Variants in LHFPL3 observed in about 807,000 individuals in gnomAD.
LHFPL3 encodes the protein LHFPL tetraspan subfamily member 3 protein.
Under a neutral mutation model 19.3 loss-of-function variants are expected in LHFPL3, and 5 were observed. That is an observed-to-expected ratio of 0.26 (90% CI 0.14 to 0.54). The LOEUF is 0.54. Ranked by LOEUF, LHFPL3 falls within the 20% of genes least tolerant of loss-of-function variation. The pLI, the probability that LHFPL3 is intolerant of heterozygous loss-of-function variation, is 0.94. For missense variants in LHFPL3, 249 were observed against 307.4 expected, an observed-to-expected ratio of 0.81 and a Z score of 1.42; for synonymous variants, 133 against 126.2, an observed-to-expected ratio of 1.05 and a Z score of -0.36.
chr7:104,786,161 T>TA (rs1279144263), intron 2 of LHFPL3, among the ~76,000 whole-genome samples: 1 of 152,160 alleles, frequency 6.6e-6, no homozygotes, highest in Non-Finnish European at 1.5e-5. Flanking sequence ...ATTTCATCTT[T>TA]AAAAAATTCC....
intron 1 of LHFPL3, among the ~76,000 whole-genome samples, chr7:104,615,920 C>A (rs781669423): frequency 6.6e-6 from 1 of 152,130 alleles, no homozygotes; most frequent in Non-Finnish European, 1.5e-5. Flanking sequence ...CCTAGGAATA[C>A]AACCTGCAAG....
intron 1 of LHFPL3, among the ~76,000 whole-genome samples, chr7:104,490,486 T>A (rs1037373590): frequency 1.3e-5 from 2 of 152,190 alleles, no homozygotes; most frequent in Non-Finnish European, 2.9e-5. Flanking sequence ...TCATTAATTC[T>A]TCTTGACCTG....
chr7:104,495,972 A>AT (rs550228780), intron 1 of LHFPL3, among the ~76,000 whole-genome samples: 10 of 150,950 alleles, frequency 6.6e-5, no homozygotes, highest in East Asian at 3.9e-4. Flanking sequence ...AGGAACCAAG[A>AT]TTTTTTTTTT....
chr7:104,796,465 C>T (rs1001543676), intron 2 of LHFPL3: 3 of 151,998 alleles, frequency 2.0e-5, no homozygotes, highest in African/African-American at 4.8e-5. Flanking sequence ...ATTTGAAGGC[C>T]GTGAAGTCAG....
At chr7:104,496,943 C>A (rs1299908568) in intron 1 of LHFPL3, among the ~76,000 whole-genome samples, 3 of 152,238 alleles carry the variant, frequency 2.0e-5, no homozygotes, top group African/African-American at 7.2e-5. Context: ...TTTTAGATGT[C>A]ATTTCTGCCT....
chr7:104,616,034 A>T (rs977490173), intron 1 of LHFPL3, among the ~76,000 whole-genome samples: 6 of 152,242 alleles, frequency 3.9e-5, no homozygotes, highest in African/African-American at 1.4e-4. Flanking sequence ...GATAGGAAGA[A>T]TCAATATCGT....
At chr7:104,354,803 C>G (rs1415188299) in intron 1 of LHFPL3, among the ~76,000 whole-genome samples, 1 of 151,874 alleles carries the variant, frequency 6.6e-6, no homozygotes, top group Admixed American at 6.6e-5. Flanking sequence ...CTAGTAGGCA[C>G]ATTATAAAAA....
At chr7:104,380,309 A>T (rs1790803056) in intron 1 of LHFPL3, among the ~76,000 whole-genome samples, 1 of 152,196 alleles carries the variant, frequency 6.6e-6, no homozygotes, top group South Asian at 2.1e-4. Flanking sequence ...ATATGTATTA[A>T]ATATATTCAG....
intron 1 of LHFPL3, among the ~76,000 whole-genome samples, chr7:104,459,922 A>G (rs2115565957): frequency 6.6e-6 from 1 of 152,314 alleles, no homozygotes; most frequent in Admixed American, 6.5e-5. Context: ...AATTTGTGTC[A>G]CAGGGGTTTG....
intron 2 of LHFPL3, among the ~76,000 whole-genome samples, chr7:104,868,732 G>C (rs944677110): frequency 1.3e-5 from 2 of 152,086 alleles, no homozygotes; most frequent in Non-Finnish European, 2.9e-5. Flanking sequence ...CGACTTTAAA[G>C]TTCATATAGA....
intron 1 of LHFPL3, among the ~76,000 whole-genome samples, chr7:104,445,270 A>G (rs1562899663): frequency 6.6e-6 from 1 of 152,198 alleles, no homozygotes; most frequent in Admixed American, 6.5e-5. Context: ...AAGCTTCAGT[A>G]TATAGTGATA....
At chr7:104,405,884 G>A (rs1250712835) in intron 1 of LHFPL3, among the ~76,000 whole-genome samples, 1 of 152,178 alleles carries the variant, frequency 6.6e-6, no homozygotes, top group Non-Finnish European at 1.5e-5. Flanking sequence ...ATCCTCCTAA[G>A]AGTGTTGATG....
rs564851659 is a variant in LHFPL3 at position 104,587,220 on chromosome 7, T to G, written c.446-149455T>G. ...GTGCCATGTTGGTGTGCTGCACCCA[T>G]TAATGCATCATTTACATTAGGTGTA... is the stretch of plus-strand genomic sequence containing the variant. On this transcript the variant is annotated intron_variant, in intron 1 of 2. Transcript: ENST00000424859. Among the ~76,000 whole-genome samples, 401 of 152,324 alleles carry G rather than the reference T, an allele frequency of 2.6e-3. 4 individuals are homozygous for G. The highest frequency in any genetic ancestry group is 9.1e-3 in the African/African-American group (380 of 41,582).
chr7:104,721,064 T>A (rs886861046), intron 1 of LHFPL3, among the ~76,000 whole-genome samples: 11 of 152,204 alleles, frequency 7.2e-5, no homozygotes, highest in Admixed American at 7.2e-4. Context: ...TTATAAATCA[T>A]GCTACTATAA....
intron 1 of LHFPL3, among the ~76,000 whole-genome samples, chr7:104,336,386 G>A (rs187452913): frequency 1.7e-3 from 259 of 151,918 alleles, no homozygotes; most frequent in African/African-American, 4.9e-3. Flanking sequence ...AGACATAAGC[G>A]CTTAAATTAT....
intron 1 of LHFPL3, among the ~76,000 whole-genome samples, chr7:104,515,748 A>G (rs1243852525): frequency 6.6e-6 from 1 of 152,200 alleles, no homozygotes; most frequent in Non-Finnish European, 1.5e-5. Flanking sequence ...TTTGAGATTA[A>G]GTACACTTTC....
At chr7:104,443,462 T>C (rs948596485) in intron 1 of LHFPL3, among the ~76,000 whole-genome samples, 13 of 152,102 alleles carry the variant, frequency 8.5e-5, no homozygotes, top group African/African-American at 2.9e-4. Flanking sequence ...TATGACCCCC[T>C]CCCCACCATG....
intron 2 of LHFPL3, among the ~76,000 whole-genome samples, chr7:104,901,281 A>G (rs1158257534): frequency 6.6e-6 from 1 of 152,232 alleles, no homozygotes; most frequent in African/African-American, 2.4e-5. Context: ...CTCCCCCAAC[A>G]AAGTGTTTTC....
At chr7:104,354,619 T>G (rs988861642) in intron 1 of LHFPL3, among the ~76,000 whole-genome samples, 13 of 152,234 alleles carry the variant, frequency 8.5e-5, no homozygotes, top group Non-Finnish European at 1.3e-4. Flanking sequence ...TTCTCTAAAT[T>G]ATTAACGAGT....
Sources: allele counts gnomAD v4.1 joint callset (sites outside exome capture counted in the v4.1 genomes callset), GRCh38; gene constraint gnomAD v4.1.1; transcripts MANE v1.5; gene names NCBI Gene and HGNC (gene_info 2026-07-23, HGNC 2026-07-21).